Variants in CEACAM8 observed in about 807,000 individuals in gnomAD.
The protein encoded by CEACAM8 is CEA cell adhesion molecule 8, also known as cell adhesion molecule CEACAM8.
CEACAM8 carries 31 observed loss-of-function variants against 33.4 expected under a neutral mutation model. The ratio of observed to expected loss-of-function variants is 0.93; its 90% CI spans 0.70 to 1.25. CEACAM8 has a LOEUF of 1.25. Among genes scored for constraint, CEACAM8 ranks in the 50% most tolerant of loss-of-function variants. The pLI, the probability that CEACAM8 is intolerant of heterozygous loss-of-function variation, is 0.00. For missense variants in CEACAM8, 388 were observed against 434.6 expected, an observed-to-expected ratio of 0.89 and a Z score of 0.95; for synonymous variants, 138 against 164.5, an observed-to-expected ratio of 0.84 and a Z score of 1.23.
chr19:42,593,882 C>A lies in CEACAM8; in HGVS notation c.83G>T (p.Trp28Leu), dbSNP rs1267830678. 6.3e-7 allele frequency: 1 copy of A among 1,592,384 alleles called. No individual in the cohort carries two copies. The highest frequency in any genetic ancestry group is 1.7e-5 in the Admixed American group (1 of 57,806). The change falls in exon 2 of 6, where the codon TGG becomes TTG. Residue 28 changes from tryptophan (W) to leucine (L), a missense_variant. Transcript: ENST00000244336. Reference protein sequence around the residue: ...LLLTASLFTFWNPPTTAQLTI... With the variant: ...LLLTASLFTFLNPPTTAQLTI... ...GAGCTGAGCAGTGGTGGGCGGGTTC[C>A]AGAAGGTGAAAAGTGAGGCTAGGAG... is the stretch of plus-strand genomic sequence containing the variant.
chr19:42,593,780 G>A lies in CEACAM8; in HGVS notation c.185C>T (p.Pro62Leu). ...CCCTTTGTACCAGTTGTAGCCACGA[G>A]GGTCCTGGGGCAGATTGTGGACAAG... is the stretch of plus-strand genomic sequence containing the variant. Reference protein sequence around the residue: ...LLLVHNLPQDPRGYNWYKGET... With the variant: ...LLLVHNLPQDLRGYNWYKGET... Residue 62 changes from proline (P) to leucine (L), a missense_variant, in exon 2 of 6, where the codon CCT (proline) becomes CTT (leucine). Transcript: ENST00000244336. The A allele has an allele frequency of 2.5e-6, 4 of 1,614,066 alleles. No individual in the cohort carries two copies. The highest frequency in any genetic ancestry group is 3.4e-6 in the Non-Finnish European group (4 of 1,180,016).
intron 2 of CEACAM8, among the ~76,000 whole-genome samples, chr19:42,593,143 G>A (rs1351500866): frequency 6.6e-6 from 1 of 152,218 alleles, no homozygotes; most frequent in African/African-American, 2.4e-5. Flanking sequence ...TGGGACAGGG[G>A]TCTGGAGCAG....
At chr19:42,585,508 A>G (rs2042322406) in intron 4 of CEACAM8, among the ~76,000 whole-genome samples, 3 of 152,326 alleles carry the variant, frequency 2.0e-5, no homozygotes, top group Non-Finnish European at 4.4e-5. Flanking sequence ...TATAATTAGT[A>G]GGAAGATTGA....
At chr19:42,583,398 C>T in intron 4 of CEACAM8, 61 bp from the exon 5 acceptor site, 1 of 1,075,454 alleles carries the variant, frequency 9.3e-7, no homozygotes, top group Non-Finnish European at 1.4e-6. Context: ...GTGGGGTACC[C>T]CAGGAACCAG....
chr19:42,589,503 G>T lies in CEACAM8; in HGVS notation c.657C>A (p.Asn219Lys), dbSNP rs144009826. 2.5e-6 allele frequency: 4 copies of T among 1,614,224 alleles called. No homozygotes were observed. In the East Asian group the frequency reaches 8.9e-5, roughly 36 times the overall value. The change falls in exon 3 of 6, where the codon AAC becomes AAA. Residue 219 changes from asparagine (N) to lysine (K), a missense_variant. Physicochemically the swap from Asn to Lys is moderately conservative, Grantham distance 94. Coordinates refer to ENST00000244336, the MANE Select transcript of CEACAM8 (RefSeq NM_001816.4). ...DVGPYECEIQNPASANFSDPV... is the reference protein window; with the variant it reads ...DVGPYECEIQKPASANFSDPV... Reference sequence around the variant, plus strand: ...GGTCACTGAAGTTTGCACTCGCTGGGTTCTGTATTTCACATTCATAGGGTC... The same window carrying T: ...GGTCACTGAAGTTTGCACTCGCTGGTTTCTGTATTTCACATTCATAGGGTC...
intron 4 of CEACAM8, among the ~76,000 whole-genome samples, chr19:42,583,926 C>G (rs2042293479): frequency 6.6e-6 from 1 of 152,186 alleles, no homozygotes; most frequent in Admixed American, 6.5e-5. Flanking sequence ...TTTTCTTTCT[C>G]CTTCACAGGA....
Position 42,589,615 on chromosome 19 carries a change from C to T in CEACAM8, c.545G>A (p.Gly182Asp), listed in dbSNP as rs767441510. Residue 182 changes from glycine (G) to aspartate (D), a missense_variant, in exon 3 of 6, where the codon GGT becomes GAT. Physicochemically the swap from Gly to Asp is moderately conservative, Grantham distance 94. Transcript: ENST00000244336. Reference protein sequence around the residue: ...QNTTYLWWVNGQSLPVSPRLQ... With the variant: ...QNTTYLWWVNDQSLPVSPRLQ... ...CCTGGGACTGACCGGGAGACTCTGA[C>T]CATTTACCCACCACAGGTAGGTTGT... is the stretch of plus-strand genomic sequence containing the variant. The T allele has an allele frequency of 3.7e-6, 6 of 1,614,058 alleles. No homozygotes were observed. The highest frequency in any genetic ancestry group is 5.1e-6 in the Non-Finnish European group (6 of 1,180,046).
At chr19:42,586,772 G>T (rs1411215266) in intron 4 of CEACAM8, among the ~76,000 whole-genome samples, 1 of 152,086 alleles carries the variant, frequency 6.6e-6, no homozygotes, top group Non-Finnish European at 1.5e-5. Flanking sequence ...ATATATCAAA[G>T]AACATTGTCG....
chr19:42,582,934 C>T (rs992002498), intron 5 of CEACAM8, among the ~76,000 whole-genome samples: 2 of 152,112 alleles, frequency 1.3e-5, no homozygotes, highest in Admixed American at 6.5e-5. Context: ...GATAAAATGA[C>T]ACAAGTGAGA....
At chr19:42,588,588 G>C (rs1205030987) in intron 4 of CEACAM8, among the ~76,000 whole-genome samples, 196 bp downstream of exon 4, 1 of 152,152 alleles carries the variant, frequency 6.6e-6, no homozygotes, top group Non-Finnish European at 1.5e-5. Flanking sequence ...CAGCCCCGAG[G>C]TCAGCCAAGA....
rs139996497 is a variant in CEACAM8 at position 42,580,329 on chromosome 19, G to A, written c.*1065C>T. Reference sequence around the variant, plus strand: ...AGACAGTGAGAACAAGTGAGTCTAGGAGTCTGACTCTAAAAGAGACCATAG... The same window carrying A: ...AGACAGTGAGAACAAGTGAGTCTAGAAGTCTGACTCTAAAAGAGACCATAG... On this transcript the variant is annotated 3_prime_UTR_variant, in exon 6 of 6. Transcript: ENST00000244336. 4.6e-5 allele frequency: 7 copies of A among 152,288 alleles called. No homozygotes were observed. In the East Asian group the frequency reaches 1.4e-3, roughly 29 times the overall value. 9.4% of individuals were successfully genotyped at this position (152,288 alleles called of 1,614,324 possible). A position where few individuals can be genotyped will look rare whatever the true frequency, so the allele number is the denominator to read the frequency against.
Position 42,583,212 on chromosome 19 carries a change from G to A in CEACAM8, c.*34C>T. On this transcript the variant is annotated 3_prime_UTR_variant, in exon 5 of 6. Coordinates refer to ENST00000244336, the MANE Select transcript of CEACAM8 (RefSeq NM_001816.4). The stretch of plus-strand genomic sequence containing the variant: ...AGAGGAAAGGCCATCATACCTGCCA[G>A]TCTTCTTGAAATGCAGAAACTACAC... 7.3e-7 allele frequency: 1 copy of A among 1,375,620 alleles called. No individual in the cohort carries two copies. The highest frequency in any genetic ancestry group is 1.0e-6 in the Non-Finnish European group (1 of 969,826). The allele number at this position is 1,375,620 out of a possible 1,614,324, so 85.2% of individuals were successfully genotyped here.
At chr19:42,594,618 A>AC in intron 1 of CEACAM8, 147 bp downstream of exon 1, 4 of 606,394 alleles carry the variant, frequency 6.6e-6, no homozygotes, top group Non-Finnish European at 6.0e-6. Flanking sequence ...TCCTGTTGTG[A>AC]CCCCTTCCCC....
chr19:42,583,772 C>T (rs45444792), intron 4 of CEACAM8, among the ~76,000 whole-genome samples: 14 of 152,316 alleles, frequency 9.2e-5, no homozygotes, highest in Non-Finnish European at 1.8e-4. Context: ...ACAGAGACCT[C>T]TCTTCCCAGG....
At chr19:42,586,353 A>G (rs927716546) in intron 4 of CEACAM8, among the ~76,000 whole-genome samples, 2 of 152,238 alleles carry the variant, frequency 1.3e-5, no homozygotes, top group African/African-American at 4.8e-5. Flanking sequence ...ACAAAGCCAC[A>G]GTAATCAATA....
In CEACAM8 at chr19:42,594,892, C is replaced by T; in HGVS notation, c.-64G>A. 3 of 1,539,444 alleles carry T rather than the reference C, an allele frequency of 1.9e-6. No individual in the cohort carries two copies. Among genetic ancestry groups the T allele is most frequent in the East Asian group, 2.3e-5 (1 of 43,294 alleles). On this transcript the variant is annotated 5_prime_UTR_variant, in exon 1 of 6. Coordinates refer to ENST00000244336, the MANE Select transcript of CEACAM8 (RefSeq NM_001816.4). ...GCCTGGGATCCAGAAACTTTCTGAG[C>T]ACGGCTGTCAGCTGTGCTGTCCTTC...
chr19:42,586,481 T>TG (rs1448377063), intron 4 of CEACAM8, among the ~76,000 whole-genome samples: 1 of 152,218 alleles, frequency 6.6e-6, no homozygotes, highest in East Asian at 1.9e-4. Flanking sequence ...TACCACTCAA[T>TG]GGGGAAAGTG....
Position 42,594,871 on chromosome 19 carries a change from G to A in CEACAM8, c.-43C>T. The A allele has an allele frequency of 6.3e-7, 1 of 1,583,200 alleles. No individual in the cohort carries two copies. The highest frequency in any genetic ancestry group is 2.3e-5 in the East Asian group (1 of 44,048). ...TGTTCTCCTCTGTGGAGATGAGCCT[G>A]GGATCCAGAAACTTTCTGAGCACGG... On this transcript the variant is annotated 5_prime_UTR_variant, in exon 1 of 6. Coordinates refer to ENST00000244336, the MANE Select transcript of CEACAM8 (RefSeq NM_001816.4).
In CEACAM8 at chr19:42,589,836, C is replaced by T. The variant is rs566609197; in HGVS notation, c.425-101G>A. 1.0e-4 allele frequency: 163 copies of T among 1,584,810 alleles called. 2 individuals carry two copies. In the South Asian group the frequency reaches 1.6e-3, roughly 15 times the overall value. On this transcript the variant is annotated intron_variant, in intron 2 of 5. Coordinates refer to ENST00000244336, the MANE Select transcript of CEACAM8 (RefSeq NM_001816.4). ...GGCATCTCCCACCTCTCAGCCTACT[C>T]GAGTCCTTAAAAGCCCACGGTGGGT...
Sources: gnomAD v4.1 joint callset for allele counts (sites outside exome capture counted in the v4.1 genomes callset) on GRCh38, gnomAD v4.1.1 for gene constraint, MANE v1.5 for transcripts, NCBI Gene and HGNC (gene_info 2026-07-23, HGNC 2026-07-21) for gene names.